TEKT5: variants seen among roughly 807,000 people sequenced by gnomAD.
TEKT5 encodes the protein tektin-5.
Under a neutral mutation model 48.7 loss-of-function variants are expected in TEKT5, and 52 were observed. That is an observed-to-expected ratio of 1.07 (90% CI 0.86 to 1.35). The LOEUF is 1.35. Ranked by LOEUF, TEKT5 falls within the 40% of genes most tolerant of loss-of-function variation. The probability of loss-of-function intolerance (pLI) is 0.00; values close to 1 mark genes in which losing one functional copy is unlikely to be tolerated. For synonymous variants in TEKT5, 318 were observed against 267.6 expected, an observed-to-expected ratio of 1.19 and a Z score of -1.84; for missense variants, 831 against 641.6, an observed-to-expected ratio of 1.30 and a Z score of -3.19.
At chr16:10,664,532 T>A (rs1466660580) in intron 5 of TEKT5, among the ~76,000 whole-genome samples, 1 of 152,204 alleles carries the variant, frequency 6.6e-6, no homozygotes, top group African/African-American at 2.4e-5. Context: ...GGGCTGTGCA[T>A]TAGAGTCACC....
chr16:10,681,979 A>T lies in TEKT5; in HGVS notation c.863+14T>A, dbSNP rs754676664. On this transcript the variant is annotated intron_variant, in intron 4 of 6. Coordinates refer to ENST00000283025, the MANE Select transcript of TEKT5 (RefSeq NM_144674.2). ...GGACACGCCAGGGATGGGGAGGGGGAGTCTGATACTTACGTGCCGTCAATT... is the reference window on the plus strand; with the variant it reads ...GGACACGCCAGGGATGGGGAGGGGGTGTCTGATACTTACGTGCCGTCAATT... 42 of 1,612,456 alleles carry T rather than the reference A, an allele frequency of 2.6e-5. No homozygotes were observed. The highest frequency in any genetic ancestry group is 3.4e-5 in the Non-Finnish European group (40 of 1,178,940).
chr16:10,637,768 G>T (rs116271850), intron 5 of TEKT5, among the ~76,000 whole-genome samples: 4,107 of 152,322 alleles, frequency 0.027, 198 homozygotes, highest in African/African-American at 0.093. Flanking sequence ...CAAGACGCGA[G>T]TGGTGAAATG....
intron 6 of TEKT5, among the ~76,000 whole-genome samples, chr16:10,630,008 T>C (rs1897814911): frequency 6.6e-6 from 1 of 152,104 alleles, no homozygotes; most frequent in Non-Finnish European, 1.5e-5. Flanking sequence ...CAGTCAAAGC[T>C]CACTGCAGCC....
chr16:10,633,083 C>T (rs960466702), intron 6 of TEKT5, among the ~76,000 whole-genome samples: 7 of 152,310 alleles, frequency 4.6e-5, no homozygotes, highest in East Asian at 1.9e-4. Context: ...CTGGCGGGGC[C>T]GCCACTGTGG....
chr16:10,674,925 C>T (rs1015450235), intron 5 of TEKT5, among the ~76,000 whole-genome samples: 5 of 151,800 alleles, frequency 3.3e-5, no homozygotes, highest in Admixed American at 1.3e-4. Context: ...CAAGTTCAAG[C>T]GAGTTCTCCC....
At chr16:10,658,742 G>C (rs1213815432) in intron 5 of TEKT5, among the ~76,000 whole-genome samples, 2 of 150,970 alleles carry the variant, frequency 1.3e-5, no homozygotes, top group African/African-American at 4.9e-5. Flanking sequence ...TTTTGAGACA[G>C]AGTCTCACTC....
At chr16:10,629,577 C>T (rs1897806914) in intron 6 of TEKT5, among the ~76,000 whole-genome samples, 1 of 152,072 alleles carries the variant, frequency 6.6e-6, no homozygotes, top group Admixed American at 6.6e-5. Flanking sequence ...AACAGGATAA[C>T]AGGGCCAGCC....
At chr16:10,654,261 G>C (rs1244471298) in intron 5 of TEKT5, among the ~76,000 whole-genome samples, 2 of 152,090 alleles carry the variant, frequency 1.3e-5, no homozygotes, top group Non-Finnish European at 2.9e-5. Context: ...GCGTTGGCCA[G>C]GCTGATCTCA....
Position 10,690,403 on chromosome 16 carries a change from G to A in TEKT5, c.565-378C>T, listed in dbSNP as rs375406743. ...GACAGTGTTGGCGGCCATCTTCCAT[G>A]TAGCTTCTCTTCTGACTTCAATCGG... On this transcript the variant is annotated intron_variant, in intron 1 of 6. Transcript: ENST00000283025. 1.2e-3 allele frequency among the ~76,000 whole-genome samples: 179 copies of A among 152,306 alleles called. 3 individuals carry two copies. In the East Asian group the frequency reaches 0.02, roughly 17 times the overall value.
intron 5 of TEKT5, among the ~76,000 whole-genome samples, chr16:10,657,916 T>C (rs912499580): frequency 6.6e-6 from 1 of 152,108 alleles, no homozygotes; most frequent in African/African-American, 2.4e-5. Flanking sequence ...TTCAATTTTT[T>C]CCAACATCTT....
chr16:10,648,221 G>T (rs528403452), intron 5 of TEKT5, among the ~76,000 whole-genome samples: 1 of 152,310 alleles, frequency 6.6e-6, no homozygotes, highest in African/African-American at 2.4e-5. Flanking sequence ...CTCCAGGCCA[G>T]GTCCTGCGCC....
At chr16:10,680,854 T>G (rs1294432803) in intron 4 of TEKT5, among the ~76,000 whole-genome samples, 1 of 90,910 alleles carries the variant, frequency 1.1e-5, no homozygotes, top group African/African-American at 4.2e-5. Flanking sequence ...CTCTGGGGAC[T>G]GTTGTGGGGT....
chr16:10,662,797 T>C (rs1263140112), intron 5 of TEKT5, among the ~76,000 whole-genome samples: 2 of 152,142 alleles, frequency 1.3e-5, no homozygotes, highest in Admixed American at 6.6e-5. Flanking sequence ...TTTAGGCAAA[T>C]CACTTTTTGT....
At chr16:10,633,420 T>G (rs1225089002) in intron 6 of TEKT5, among the ~76,000 whole-genome samples, 1 of 152,006 alleles carries the variant, frequency 6.6e-6, no homozygotes, top group East Asian at 1.9e-4. Flanking sequence ...CAGGAGGTAC[T>G]GGGGTTCAGC....
intron 1 of TEKT5, among the ~76,000 whole-genome samples, chr16:10,691,947 C>CAA (rs36117622): frequency 0.26 from 26,761 of 103,246 alleles, 3,866 homozygotes; most frequent in East Asian, 0.69. Flanking sequence ...GAGTCCATCT[C>CAA]AAAAAAAAAA....
intron 5 of TEKT5, among the ~76,000 whole-genome samples, chr16:10,669,684 C>T (rs144449701): frequency 6.6e-6 from 1 of 152,146 alleles, no homozygotes; most frequent in East Asian, 1.9e-4. Context: ...ATCCCTGACC[C>T]CACACATCCT....
rs1897771958 is a variant in TEKT5, at chr16:10,627,674, A to G, written c.1367T>C (p.Ile456Thr). 1 of 1,614,052 alleles carries G rather than the reference A, an allele frequency of 6.2e-7. No individual in the cohort carries two copies. Among genetic ancestry groups the G allele is most frequent in the Admixed American group, 1.7e-5 (1 of 59,998 alleles). ...GTCGATGCAGAGGGTGTTGGCCTTG[A>G]TGGCGAGCTCGTGCTCCAGCCGGCA... ...TKCRLEHELA[I>T]KANTLCIDKE... is the part of the protein sequence containing the mutation. The change falls in exon 7 of 7, where the codon ATC (isoleucine) becomes ACC (threonine). Residue 456 changes from isoleucine (I) to threonine (T), a missense_variant. Physicochemically the swap from Ile to Thr is moderately conservative, Grantham distance 89. Transcript: ENST00000283025.
chr16:10,630,320 CA>C (rs757750244), intron 6 of TEKT5, among the ~76,000 whole-genome samples: 7 of 151,978 alleles, frequency 4.6e-5, no homozygotes, highest in Admixed American at 6.6e-5. Context: ...ACTGCAGCCT[CA>C]AACCTCTGGG....
intron 5 of TEKT5, among the ~76,000 whole-genome samples, chr16:10,647,953 G>A (rs1898096563): frequency 1.3e-5 from 2 of 152,236 alleles, no homozygotes; most frequent in Non-Finnish European, 2.9e-5. Flanking sequence ...ACACTCTGTT[G>A]TTTGCTTTTT....
Sources: gnomAD v4.1 joint callset for allele counts (sites outside exome capture counted in the v4.1 genomes callset) on GRCh38, gnomAD v4.1.1 for gene constraint, MANE v1.5 for transcripts, NCBI Gene and HGNC (gene_info 2026-07-23, HGNC 2026-07-21) for gene names.